KALRN: variants seen among roughly 807,000 people sequenced by gnomAD.
KALRN encodes kalirin RhoGEF kinase, also known as kalirin.
In KALRN, 70 loss-of-function variants were observed where a neutral mutation model predicts 353.7. The observed-to-expected ratio is 0.20, with a 90% confidence interval of 0.16 to 0.24. The LOEUF is 0.24. Among genes scored for constraint, KALRN ranks in the 10% least tolerant of loss-of-function variants. The pLI is 1.00. For missense variants in KALRN, 2,791 were observed against 3,756.7 expected, an observed-to-expected ratio of 0.74 and a Z score of 6.72; for synonymous variants, 1,391 against 1,434.8, an observed-to-expected ratio of 0.97 and a Z score of 0.69.
Position 124,694,422 on chromosome 3 carries a change from A to G in KALRN, c.7496A>G (p.Lys2499Arg). 6.2e-7 allele frequency: 1 copy of G among 1,614,162 alleles called. No individual in the cohort carries two copies. The highest frequency in any genetic ancestry group is 8.5e-7 in the Non-Finnish European group (1 of 1,179,980). ...ILQCKVCGRP[K>R]PTITWKGPDQ... ...CAGTGCAAAGTCTGTGGGCGGCCAAAGCCCACCATCACTTGGAAGGGTCCA... is the reference window on the plus strand; with the variant it reads ...CAGTGCAAAGTCTGTGGGCGGCCAAGGCCCACCATCACTTGGAAGGGTCCA... The change falls in exon 53 of 60, where the codon AAG becomes AGG. Residue 2499 changes from lysine to arginine, a missense_variant. Coordinates refer to ENST00000682506, the MANE Select transcript of KALRN (RefSeq NM_001388419.1).
In KALRN at chr3:124,137,347, G is replaced by A. The variant is rs116598040; in HGVS notation, c.74-90643G>A. On this transcript the variant is annotated intron_variant, in intron 1 of 59. Coordinates refer to ENST00000682506, the MANE Select transcript of KALRN (RefSeq NM_001388419.1). ...AGTGGGGAGAAGAGTCCAGTTGGCT[G>A]TGTGGCTGGGAAGGCTGTGAGCCTG... is the stretch of plus-strand genomic sequence containing the variant. Among the ~76,000 whole-genome samples, 388 of 152,286 alleles carry A rather than the reference G, an allele frequency of 2.5e-3. 1 individual carries two copies. The highest frequency in any genetic ancestry group is 8.7e-3 in the African/African-American group (362 of 41,554).
chr3:124,272,878 G>A (rs2074313734), intron 5 of KALRN, among the ~76,000 whole-genome samples: 2 of 152,204 alleles, frequency 1.3e-5, no homozygotes, highest in South Asian at 4.1e-4. Flanking sequence ...TGATGGTTTG[G>A]AATAAGGGCT....
chr3:124,576,276 C>T (rs1288315681), intron 34 of KALRN, among the ~76,000 whole-genome samples: 1 of 152,170 alleles, frequency 6.6e-6, no homozygotes, highest in East Asian at 1.9e-4. Flanking sequence ...CCTACCAATA[C>T]AGGGATTTTG....
chr3:124,176,514 G>A (rs2072781918), intron 1 of KALRN, among the ~76,000 whole-genome samples: 2 of 152,126 alleles, frequency 1.3e-5, no homozygotes, highest in African/African-American at 4.8e-5. Context: ...ACTGTGAAGA[G>A]GATAAAGCAG....
intron 34 of KALRN, among the ~76,000 whole-genome samples, chr3:124,586,231 G>A (rs1011105581): frequency 2.6e-5 from 4 of 152,210 alleles, no homozygotes. Context: ...GAGGGAAAGG[G>A]GGAATAAAGC....
chr3:124,500,568 A>G (rs932313721), intron 33 of KALRN, among the ~76,000 whole-genome samples: 3 of 152,254 alleles, frequency 2.0e-5, no homozygotes, highest in Non-Finnish European at 4.4e-5. Flanking sequence ...AAAACAGTCT[A>G]ATATTCTTAA....
intron 1 of KALRN, among the ~76,000 whole-genome samples, chr3:124,083,109 G>C: frequency 6.6e-6 from 1 of 152,202 alleles, no homozygotes; most frequent in Admixed American, 6.5e-5. Flanking sequence ...GTATTTCCAG[G>C]TATAGTCTAG....
intron 49 of KALRN, among the ~76,000 whole-genome samples, chr3:124,676,549 T>G (rs1441865816): frequency 6.6e-6 from 1 of 152,186 alleles, no homozygotes; most frequent in Non-Finnish European, 1.5e-5. Context: ...GCCCTGCCAT[T>G]TATACTACTC....
chr3:124,350,680 T>C (rs990444682), intron 10 of KALRN, among the ~76,000 whole-genome samples: 3 of 152,336 alleles, frequency 2.0e-5, no homozygotes, highest in South Asian at 2.1e-4. Context: ...AACTTTCCTC[T>C]GGCCCTTCCA....
chr3:124,521,046 T>C (rs2067121267), intron 33 of KALRN, among the ~76,000 whole-genome samples: 1 of 152,198 alleles, frequency 6.6e-6, no homozygotes, highest in Non-Finnish European at 1.5e-5. Context: ...CAAGGAACTA[T>C]GCAGTTCTGT....
At chr3:124,531,389 G>A (rs2068031185) in intron 33 of KALRN, among the ~76,000 whole-genome samples, 1 of 152,190 alleles carries the variant, frequency 6.6e-6, no homozygotes, top group Non-Finnish European at 1.5e-5. Flanking sequence ...TTGTATATGT[G>A]AATTTCCAAT....
At chr3:124,220,402 ATG>A (rs767328491) in intron 1 of KALRN, among the ~76,000 whole-genome samples, 30 of 149,146 alleles carry the variant, frequency 2.0e-4, no homozygotes, top group Middle Eastern at 3.5e-3. Context: ...GTGTGTGTGT[ATG>A]TGTGTGTGTG....
At chr3:124,625,696 CTATT>C (rs2079869822) in intron 34 of KALRN, among the ~76,000 whole-genome samples, 1 of 128,744 alleles carries the variant, frequency 7.8e-6, no homozygotes, top group South Asian at 2.4e-4. Context: ...AATTATATAT[CTATT>C]TATCTCTATA....
intron 34 of KALRN, among the ~76,000 whole-genome samples, chr3:124,581,408 A>G (rs1470170050): frequency 6.9e-6 from 1 of 145,942 alleles, no homozygotes; most frequent in African/African-American, 2.6e-5. Flanking sequence ...AAAAAAAAGT[A>G]TCGGTGGAAA....
chr3:124,565,061 T>A (rs113830777), intron 34 of KALRN, among the ~76,000 whole-genome samples: 3 of 152,188 alleles, frequency 2.0e-5, no homozygotes, highest in Non-Finnish European at 4.4e-5. Flanking sequence ...AGAACATATT[T>A]AAAACACTCC....
intron 34 of KALRN, among the ~76,000 whole-genome samples, chr3:124,610,310 A>G (rs772789083): frequency 1.8e-4 from 27 of 152,316 alleles, no homozygotes; most frequent in South Asian, 1.2e-3. Context: ...CCCCAAGAGG[A>G]TGGGGCATCC....
chr3:124,107,483 G>C (rs1479076572), intron 1 of KALRN, among the ~76,000 whole-genome samples: 1 of 152,200 alleles, frequency 6.6e-6, no homozygotes, highest in Non-Finnish European at 1.5e-5. Context: ...TTGGAACGCA[G>C]TTGAAATTAT....
At chr3:124,303,895 G>A (rs4280578) in intron 6 of KALRN, among the ~76,000 whole-genome samples, 30,172 of 151,960 alleles carry the variant, frequency 0.2, 3,078 homozygotes, top group South Asian at 0.29. Flanking sequence ...TTGAGGGAAG[G>A]TTACAAATGA....
chr3:124,475,981 T>A (rs2108055875), intron 26 of KALRN, among the ~76,000 whole-genome samples: 1 of 152,260 alleles, frequency 6.6e-6, no homozygotes, highest in African/African-American at 2.4e-5. Flanking sequence ...AAAGGGTTTT[T>A]TTTTTGCATC....
Sources: allele counts gnomAD v4.1 joint callset (sites outside exome capture counted in the v4.1 genomes callset), GRCh38; gene constraint gnomAD v4.1.1; transcripts MANE v1.5; gene names NCBI Gene and HGNC (gene_info 2026-07-23, HGNC 2026-07-21).